Variants in PPFIBP1 observed in about 807,000 individuals in gnomAD.
PPFIBP1 encodes the protein PPFIB scaffold protein 1.
Under a neutral mutation model 137.8 loss-of-function variants are expected in PPFIBP1, and 112 were observed. That is an observed-to-expected ratio of 0.81 (90% confidence interval 0.70 to 0.95). The LOEUF (loss-of-function observed/expected upper bound fraction) is 0.95. Among genes scored for constraint, PPFIBP1 ranks in the 40% least tolerant of loss-of-function variants. The pLI is 0.00. For synonymous variants in PPFIBP1, 378 were observed against 417.3 expected, an observed-to-expected ratio of 0.91 and a Z score of 1.15; for missense variants, 1,083 against 1,196.6, an observed-to-expected ratio of 0.91 and a Z score of 1.40.
intron 25 of PPFIBP1, 140 bp from the exon 26 acceptor site, chr12:27,688,158 T>C: frequency 1.0e-6 from 1 of 984,584 alleles, no homozygotes; most frequent in Non-Finnish European, 1.5e-6. Context: ...ACTCAAACTA[T>C]GACAGAAATT....
intron 1 of PPFIBP1, among the ~76,000 whole-genome samples, chr12:27,529,785 G>C (rs1276467309): frequency 6.6e-6 from 1 of 152,240 alleles, no homozygotes; most frequent in Non-Finnish European, 1.5e-5. Context: ...CTTCAGGCCA[G>C]CAAGGTAGTT....
chr12:27,646,357 C>T, intron 5 of PPFIBP1: 2 of 590,054 alleles, frequency 3.4e-6, no homozygotes, highest in South Asian at 1.5e-5. Flanking sequence ...TAATCATCCT[C>T]AGCTCTTGCA....
rs869044515 is a variant in PPFIBP1, at chr12:27,563,277, TAAAAAAAAAAAAA to T, written c.-123-14857_-123-14845del. Among the ~76,000 whole-genome samples, 10 of 22,174 alleles carry T rather than the reference TAAAAAAAAAAAAA, an allele frequency of 4.5e-4. 1 individual carries two copies. The highest frequency in any genetic ancestry group is 3.8e-3 in the Admixed American group (4 of 1,050). 14.5% of individuals were successfully genotyped at this position (22,174 alleles called of 152,430 possible). On this transcript the variant is annotated intron_variant, in intron 1 of 29. Transcript: ENST00000228425. ...TAACACGGTGAAAACCCATCTCTAC[TAAAAAAAAAAAAA>T]AAAAAAAAAAAAAAAAATTAGCTGG... is the stretch of plus-strand genomic sequence containing the variant.
chr12:27,600,560 GA>G (rs549302860), intron 2 of PPFIBP1, among the ~76,000 whole-genome samples: 13 of 145,476 alleles, frequency 8.9e-5, no homozygotes, highest in South Asian at 4.3e-4. Flanking sequence ...TTGTATCTTT[GA>G]AAAAAAAAAC....
chr12:27,643,106 A>T (rs1427032831), intron 4 of PPFIBP1, among the ~76,000 whole-genome samples: 1 of 150,262 alleles, frequency 6.7e-6, no homozygotes, highest in South Asian at 2.1e-4. Flanking sequence ...CCTCCTAAAC[A>T]TAGTGGGAAG....
intron 2 of PPFIBP1, among the ~76,000 whole-genome samples, chr12:27,631,309 C>T (rs2057248477): frequency 6.6e-6 from 1 of 152,140 alleles, no homozygotes; most frequent in Non-Finnish European, 1.5e-5. Context: ...TTTGATTTGA[C>T]TACTTTTAAC....
At chr12:27,626,654 C>A (rs1371650888) in intron 2 of PPFIBP1, among the ~76,000 whole-genome samples, 1 of 152,014 alleles carries the variant, frequency 6.6e-6, no homozygotes, top group Admixed American at 6.6e-5. Context: ...GCAACCTCTG[C>A]CTCCTGGGTT....
chr12:27,660,488 C>A (rs924516420), intron 10 of PPFIBP1, among the ~76,000 whole-genome samples: 1 of 152,180 alleles, frequency 6.6e-6, no homozygotes, highest in Non-Finnish European at 1.5e-5. Context: ...CTATCATTTT[C>A]TCTGCTTTTG....
chr12:27,658,251 C>T (rs144124606), intron 9 of PPFIBP1, among the ~76,000 whole-genome samples: 2 of 152,128 alleles, frequency 1.3e-5, no homozygotes, highest in Non-Finnish European at 2.9e-5. Flanking sequence ...CTGGGAACTG[C>T]GTGTTACCAG....
chr12:27,531,575 T>TTACAGG (rs1337155729), intron 1 of PPFIBP1, among the ~76,000 whole-genome samples: 1 of 152,098 alleles, frequency 6.6e-6, no homozygotes, highest in East Asian at 1.9e-4. Context: ...AGTGCTGGGA[T>TTACAGG]TACAGGCATG....
chr12:27,565,784 G>T (rs2049598786), intron 1 of PPFIBP1, among the ~76,000 whole-genome samples: 1 of 151,960 alleles, frequency 6.6e-6, no homozygotes, highest in Non-Finnish European at 1.5e-5. Flanking sequence ...CTCTGAAGCT[G>T]TCTCATTCCC....
intron 11 of PPFIBP1, among the ~76,000 whole-genome samples, chr12:27,661,461 G>C (rs2059544474): frequency 1.7e-5 from 1 of 58,248 alleles, no homozygotes; most frequent in Non-Finnish European, 3.3e-5. Flanking sequence ...TGCATTCCAA[G>C]GTTTCCACAG....
intron 1 of PPFIBP1, among the ~76,000 whole-genome samples, chr12:27,544,127 CT>C (rs1945972286): frequency 6.6e-6 from 1 of 152,248 alleles, no homozygotes; most frequent in South Asian, 2.1e-4. Flanking sequence ...AGTGATCCTT[CT>C]GTCTCAGCCT....
chr12:27,672,336 A>AT, intron 14 of PPFIBP1, 91 bp from the exon 15 acceptor site: 1 of 980,506 alleles, frequency 1.0e-6, no homozygotes, highest in Non-Finnish European at 1.5e-6. Flanking sequence ...CCTTTGCATA[A>AT]TTTTTTGTTT....
intron 1 of PPFIBP1, among the ~76,000 whole-genome samples, chr12:27,552,007 A>G (rs1025568430): frequency 1.3e-5 from 2 of 152,184 alleles, no homozygotes; most frequent in African/African-American, 2.4e-5. Context: ...TCTGACCCCT[A>G]GTTTCCTCAT....
chr12:27,623,999 A>G (rs546470906), intron 2 of PPFIBP1, among the ~76,000 whole-genome samples: 1 of 152,282 alleles, frequency 6.6e-6, no homozygotes, highest in East Asian at 1.9e-4. Context: ...CAGGGCTGTC[A>G]TGGAGGTGGC....
intron 2 of PPFIBP1, among the ~76,000 whole-genome samples, chr12:27,614,655 T>C (rs1422629933): frequency 6.6e-6 from 1 of 152,158 alleles, no homozygotes; most frequent in South Asian, 2.1e-4. Flanking sequence ...TTTCTACTCA[T>C]TCTCTGTCAG....
At chr12:27,676,038 A>ATATAT (rs2060488247) in intron 17 of PPFIBP1, among the ~76,000 whole-genome samples, 1 of 152,358 alleles carries the variant, frequency 6.6e-6, no homozygotes, top group East Asian at 1.9e-4. Flanking sequence ...ACTGTATTAT[A>ATATAT]GCTAAATCCG....
chr12:27,682,693 A>G lies in PPFIBP1; in HGVS notation c.2237A>G (p.Tyr746Cys). Residue 746 changes from tyrosine to cysteine, a missense_variant, in exon 24 of 30, where the codon TAC becomes TGC. Transcript: ENST00000228425. Reference protein sequence around the residue: ...EGRVDGRMLHYMTVDDLLSLK... With the variant: ...EGRVDGRMLHCMTVDDLLSLK... The stretch of plus-strand genomic sequence containing the variant: ...CGGGTTGATGGTCGAATGCTACATT[A>G]CATGACTGTTGTAAGTGACTCACTC... 1 of 1,614,196 alleles carries G rather than the reference A, an allele frequency of 6.2e-7. No homozygotes were observed. Among genetic ancestry groups the G allele is most frequent in the Middle Eastern group, 1.7e-4 (1 of 6,060 alleles).
Sources: allele counts gnomAD v4.1 joint callset (sites outside exome capture counted in the v4.1 genomes callset), GRCh38; gene constraint gnomAD v4.1.1; transcripts MANE v1.5; gene names NCBI Gene and HGNC (gene_info 2026-07-23, HGNC 2026-07-21).